GALM: variants seen among roughly 807,000 people sequenced by gnomAD.
The protein encoded by GALM is galactose mutarotase.
In GALM, 43 loss-of-function variants were observed where a neutral mutation model predicts 37.4. The observed-to-expected ratio is 1.15, with a 90% CI of 0.90 to 1.48. The LOEUF is 1.48. Among genes scored for constraint, GALM ranks in the 40% most tolerant of loss-of-function variants. The pLI is 0.00. For synonymous variants in GALM, 199 were observed against 170.6 expected (o/e 1.17, Z -1.30); for missense variants, 456 against 419.1 (o/e 1.09, Z -0.77).
intron 1 of GALM, chr2:38,669,614 G>C (rs1665039290): frequency 1.3e-5 from 2 of 152,124 alleles, no homozygotes; most frequent in Non-Finnish European, 1.5e-5. Flanking sequence ...GCCGGGCACG[G>C]TGGCTCACGC....
intron 4 of GALM, among the ~76,000 whole-genome samples, chr2:38,722,593 C>G (rs1299110743): frequency 6.6e-6 from 1 of 152,198 alleles, no homozygotes; most frequent in African/African-American, 2.4e-5. Flanking sequence ...GGCTTCAGAA[C>G]TAAAGTTGGA....
chr2:38,727,219 A>G (rs1211634862), intron 4 of GALM, among the ~76,000 whole-genome samples: 2 of 69,576 alleles, frequency 2.9e-5, no homozygotes, highest in Non-Finnish European at 5.7e-5. Context: ...CCGTCTCAAG[A>G]AAAAAAAAAA....
Position 38,731,848 on chromosome 2 carries a change from T to A in GALM, c.890T>A (p.Val297Asp). Reference protein sequence around the residue: ...DGTLKGKNGAVYPKHSGFCLE... With the variant: ...DGTLKGKNGADYPKHSGFCLE... ...ACATTAAAGGGCAAGAATGGAGCTG[T>A]CTATCCCAAGCACTCCGGTTTCTGC... is the stretch of plus-strand genomic sequence containing the variant. Residue 297 changes from valine to aspartate, a missense_variant, in exon 6 of 7, where the codon GTC becomes GAC. Physicochemically the swap from Val to Asp is radical, Grantham distance 152. Coordinates refer to ENST00000272252, the MANE Select transcript of GALM (RefSeq NM_138801.3). 1 of 1,614,118 alleles carries A rather than the reference T, an allele frequency of 6.2e-7. No individual in the cohort carries two copies. The highest frequency in any genetic ancestry group is 8.5e-7 in the Non-Finnish European group (1 of 1,180,000).
chr2:38,731,632 T>A (rs1481403208), intron 5 of GALM, 103 bp from the exon 6 acceptor site: 1 of 808,598 alleles, frequency 1.2e-6, no homozygotes, highest in Admixed American at 2.0e-5. Flanking sequence ...TTGTCCCTGC[T>A]CTGTGGCTGG....
intron 1 of GALM, among the ~76,000 whole-genome samples, chr2:38,675,526 GTTTTTTTTT>G (rs869119386): frequency 1.3e-5 from 1 of 74,620 alleles, no homozygotes; most frequent in Non-Finnish European, 2.5e-5. Context: ...GGGTTTTTTT[GTTTTTTTTT>G]TTTTTTTTTG....
chr2:38,674,144 A>T (rs1248331442), intron 1 of GALM, among the ~76,000 whole-genome samples: 1 of 151,620 alleles, frequency 6.6e-6, no homozygotes, highest in Non-Finnish European at 1.5e-5. Flanking sequence ...CACAAATAAA[A>T]GTACAGGATG....
At chr2:38,668,506 G>C (rs1266917116) in intron 1 of GALM, 3 of 152,208 alleles carry the variant, frequency 2.0e-5, no homozygotes, top group African/African-American at 7.2e-5. Context: ...ACTGGTAACA[G>C]TGGTTGTTAA....
chr2:38,676,091 T>C, intron 2 of GALM, 25 bp downstream of exon 2: 1 of 1,611,792 alleles, frequency 6.2e-7, no homozygotes, highest in Non-Finnish European at 8.5e-7. Context: ...TGTGACTGAG[T>C]TCCCTTTAGG....
At chr2:38,698,294 C>A in intron 4 of GALM, 1 of 696,702 alleles carries the variant, frequency 1.4e-6, no homozygotes, top group Admixed American at 2.9e-5. Flanking sequence ...AATTCCGGCA[C>A]TTAGGAGTCA....
chr2:38,708,147 T>TAAAATAAAATAAAAA (rs1666078861), intron 4 of GALM, among the ~76,000 whole-genome samples: 1 of 120,892 alleles, frequency 8.3e-6, no homozygotes, highest in African/African-American at 2.9e-5. Flanking sequence ...TAAAATAAAA[T>TAAAATAAAATAAAAA]AAAAAAGCCT....
intron 4 of GALM, among the ~76,000 whole-genome samples, chr2:38,718,419 G>A (rs902160895): frequency 9.9e-5 from 15 of 151,266 alleles, no homozygotes; most frequent in African/African-American, 3.4e-4. Context: ...GCCTGGTCTC[G>A]AACTCCTGAC....
At chr2:38,696,699 C>G (rs111699833) in intron 4 of GALM, among the ~76,000 whole-genome samples, 54 of 151,264 alleles carry the variant, frequency 3.6e-4, no homozygotes, top group African/African-American at 1.2e-3. Context: ...CTCAAACTCC[C>G]TGCCTCAAGC....
chr2:38,708,954 T>C (rs1273456405), intron 4 of GALM, among the ~76,000 whole-genome samples: 2 of 152,154 alleles, frequency 1.3e-5, no homozygotes, highest in Non-Finnish European at 2.9e-5. Flanking sequence ...CCGGTGCTTC[T>C]GTGGGCTTTC....
In GALM at chr2:38,733,479, C is replaced by T. The variant is rs1419882063; in HGVS notation, c.952-9C>T. Reference sequence around the variant, plus strand: ...GTCAAGCATCACCTGTGTTGTTTCCCCTTCACAGCCCCGCTTCCCTCCTGT... The same window carrying T: ...GTCAAGCATCACCTGTGTTGTTTCCTCTTCACAGCCCCGCTTCCCTCCTGT... On this transcript the variant is annotated splice_polypyrimidine_tract_variant and intron_variant, in intron 6 of 6. Coordinates refer to ENST00000272252, the MANE Select transcript of GALM (RefSeq NM_138801.3). The T allele has an allele frequency of 3.7e-6, 6 of 1,612,340 alleles. No homozygotes were observed. The highest frequency in any genetic ancestry group is 5.1e-6 in the Non-Finnish European group (6 of 1,178,592).
At chr2:38,675,335 A>G (rs1460767675) in intron 1 of GALM, among the ~76,000 whole-genome samples, 1 of 152,162 alleles carries the variant, frequency 6.6e-6, no homozygotes, top group African/African-American at 2.4e-5. Flanking sequence ...TGTGCTGTAT[A>G]AAATTCTTTA....
intron 1 of GALM, 111 bp from the exon 2 acceptor site, chr2:38,675,801 C>G: frequency 1.1e-6 from 1 of 950,892 alleles, no homozygotes; most frequent in Non-Finnish European, 1.7e-6. Context: ...GATCTCCTGA[C>G]CTTGTGATCC....
At chr2:38,697,703 A>T (rs1417470486) in intron 4 of GALM, among the ~76,000 whole-genome samples, 2 of 152,172 alleles carry the variant, frequency 1.3e-5, no homozygotes, top group African/African-American at 4.8e-5. Flanking sequence ...GGGAGGAGTG[A>T]CGTCCTGTCC....
chr2:38,708,710 T>C (rs1335926874), intron 4 of GALM, among the ~76,000 whole-genome samples: 8 of 137,370 alleles, frequency 5.8e-5, no homozygotes, highest in African/African-American at 8.5e-5. Context: ...GCCTGGGTGA[T>C]AGAGCGAGAC....
chr2:38,702,187 GA>G lies in GALM; in HGVS notation c.634+12304del, dbSNP rs543652340. Among the ~76,000 whole-genome samples, 1,284 of 145,548 alleles carry G rather than the reference GA, an allele frequency of 8.8e-3. 13 individuals are homozygous for G. Among genetic ancestry groups the G allele is most frequent in the African/African-American group, 0.03 (1,191 of 40,034 alleles). On this transcript the variant is annotated intron_variant, in intron 4 of 6. Transcript: ENST00000272252. ...ACAACTGCACTCTAACACCTAACTG[GA>G]AAAAAAAAAATCTTAAGATCTATCT...
Sources: allele counts gnomAD v4.1 joint callset (sites outside exome capture counted in the v4.1 genomes callset), GRCh38; gene constraint gnomAD v4.1.1; transcripts MANE v1.5; gene names NCBI Gene and HGNC (gene_info 2026-07-23, HGNC 2026-07-21).